GFRA1: variants seen among roughly 807,000 people sequenced by gnomAD.
The protein encoded by GFRA1 is GDNF family receptor alpha-1.
In GFRA1, 16 loss-of-function variants were observed where a neutral mutation model predicts 51.6. The observed-to-expected ratio is 0.31, with a 90% CI of 0.21 to 0.47. The LOEUF is 0.47. Ranked by LOEUF, GFRA1 falls within the 20% of genes least tolerant of loss-of-function variation. GFRA1 has a pLI of 1.00. For missense variants in GFRA1, 530 were observed against 594.3 expected (o/e 0.89, Z 1.13); for synonymous variants, 270 against 241.3 (o/e 1.12, Z -1.10).
At chr10:116,093,673 C>A in intron 8 of GFRA1, 29 bp downstream of exon 8, 1 of 1,607,632 alleles carries the variant, frequency 6.2e-7, no homozygotes, top group South Asian at 1.1e-5. Flanking sequence ...TGCGTTTGCT[C>A]CTTTGTTTCT....
rs1173342700 is a variant in GFRA1, at chr10:116,272,284, G to C, written c.-246-9C>G. The C allele has an allele frequency of 5.2e-6, 3 of 578,572 alleles. No individual in the cohort carries two copies. The highest frequency in any genetic ancestry group is 9.3e-6 in the Non-Finnish European group (3 of 323,300). The allele number at this position is 578,572 out of a possible 1,614,324, so 35.8% of individuals were successfully genotyped here. ...TTCAGGTCCGACCCAACCTGGAAGGGAGGGCGCGCTTTGAGATGAGAGCGG... is the reference window on the plus strand; with the variant it reads ...TTCAGGTCCGACCCAACCTGGAAGGCAGGGCGCGCTTTGAGATGAGAGCGG... On this transcript the variant is annotated splice_polypyrimidine_tract_variant and intron_variant, in intron 1 of 10. Coordinates refer to ENST00000355422, the MANE Select transcript of GFRA1 (RefSeq NM_005264.8). This position sits in a 1 kb window ranked among gnomAD's most constrained non-coding sequence, Gnocchi z 4.4.
At chr10:116,203,413 C>A (rs1964493000) in intron 5 of GFRA1, among the ~76,000 whole-genome samples, 1 of 152,160 alleles carries the variant, frequency 6.6e-6, no homozygotes, top group South Asian at 2.1e-4. Context: ...CAGAAAGAAT[C>A]AGAAAATAGG....
intron 6 of GFRA1, among the ~76,000 whole-genome samples, chr10:116,124,915 C>A (rs1957791004): frequency 1.3e-5 from 2 of 152,254 alleles, no homozygotes; most frequent in South Asian, 4.1e-4. Context: ...GGTCACCTCA[C>A]CCCAGGTGAC....
chr10:116,125,214 C>T lies in GFRA1; in HGVS notation c.770+7G>A. On this transcript the variant is annotated splice_region_variant and intron_variant, in intron 6 of 10. Transcript: ENST00000355422. ...TCATTAATCACCAGCTGCCAGTGCC[C>T]ACTTACCTGCAGATGTAATTCGTCT... The T allele has an allele frequency of 6.2e-7, 1 of 1,611,000 alleles. No individual in the cohort carries two copies. Among genetic ancestry groups the T allele is most frequent in the South Asian group, 1.1e-5 (1 of 91,010 alleles).
At chr10:116,229,608 G>A (rs1027435239) in intron 4 of GFRA1, among the ~76,000 whole-genome samples, 1 of 152,206 alleles carries the variant, frequency 6.6e-6, no homozygotes, top group Non-Finnish European at 1.5e-5. Context: ...GCTGCATGAT[G>A]TTCTATGAAG....
At chr10:116,096,487 T>C (rs1164025780) in intron 7 of GFRA1, among the ~76,000 whole-genome samples, 168 bp downstream of exon 7, 1 of 95,392 alleles carries the variant, frequency 1.0e-5, no homozygotes, top group Non-Finnish European at 2.9e-5. Flanking sequence ...TTCTTCTTTT[T>C]TTTTTCTTTT....
chr10:116,205,086 A>T (rs1964626024), intron 5 of GFRA1, among the ~76,000 whole-genome samples: 1 of 152,184 alleles, frequency 6.6e-6, no homozygotes, highest in Admixed American at 6.5e-5. Flanking sequence ...TAGAAAATGC[A>T]TTAAAAATCC....
intron 4 of GFRA1, among the ~76,000 whole-genome samples, chr10:116,239,467 G>A (rs1430984820): frequency 2.6e-5 from 4 of 152,178 alleles, no homozygotes; most frequent in South Asian, 2.1e-4. Flanking sequence ...TTGATCTCAC[G>A]CAGAGGCAGT....
At chr10:116,182,215 AAT>A (rs1962302161) in intron 5 of GFRA1, among the ~76,000 whole-genome samples, 1 of 152,164 alleles carries the variant, frequency 6.6e-6, no homozygotes, top group South Asian at 2.1e-4. Flanking sequence ...TGTACAGTGC[AAT>A]GATGATAGTG....
intron 5 of GFRA1, among the ~76,000 whole-genome samples, chr10:116,132,909 C>T (rs559289658): frequency 6.6e-6 from 1 of 152,270 alleles, no homozygotes; most frequent in African/African-American, 2.4e-5. Flanking sequence ...ACGGTCTGGG[C>T]ACAAGCGCCT....
At chr10:116,211,855 T>TA (rs1487089657) in intron 4 of GFRA1, among the ~76,000 whole-genome samples, 1 of 152,172 alleles carries the variant, frequency 6.6e-6, no homozygotes, top group Non-Finnish European at 1.5e-5. Context: ...GCCTCACACT[T>TA]ACTAACTCTG....
chr10:116,072,019 G>C (rs1190959084), intron 9 of GFRA1, among the ~76,000 whole-genome samples: 1 of 151,188 alleles, frequency 6.6e-6, no homozygotes. Flanking sequence ...TCCTGTGTTT[G>C]TATAATTGCA....
At chr10:116,186,662 G>A (rs1426866397) in intron 5 of GFRA1, among the ~76,000 whole-genome samples, 1 of 151,772 alleles carries the variant, frequency 6.6e-6, no homozygotes, top group Non-Finnish European at 1.5e-5. Flanking sequence ...GGGGGCGGCG[G>A]GAGGTGCTGA....
At chr10:116,179,298 C>T (rs576747419) in intron 5 of GFRA1, among the ~76,000 whole-genome samples, 15 of 152,254 alleles carry the variant, frequency 9.9e-5, no homozygotes, top group African/African-American at 3.6e-4. Context: ...TTTTCATCAC[C>T]ATTGTCAGGG....
chr10:116,221,520 G>T (rs1965923505), intron 4 of GFRA1, among the ~76,000 whole-genome samples: 1 of 152,110 alleles, frequency 6.6e-6, no homozygotes, highest in African/African-American at 2.4e-5. Context: ...TCTCTCCCAG[G>T]TTCAAGCAAT....
At chr10:116,199,640 A>G (rs1421781539) in intron 5 of GFRA1, among the ~76,000 whole-genome samples, 6 of 152,234 alleles carry the variant, frequency 3.9e-5, no homozygotes, top group Non-Finnish European at 7.3e-5. Flanking sequence ...TTCAAAATAA[A>G]TGGCAGATAC....
At chr10:116,161,198 G>A (rs1424054108) in intron 5 of GFRA1, among the ~76,000 whole-genome samples, 1 of 152,184 alleles carries the variant, frequency 6.6e-6, no homozygotes, top group African/African-American at 2.4e-5. Flanking sequence ...CACAGTCTGG[G>A]AAACAGATGC....
At chr10:116,186,655 G>T (rs1363276034) in intron 5 of GFRA1, among the ~76,000 whole-genome samples, 4 of 151,904 alleles carry the variant, frequency 2.6e-5, no homozygotes, top group Non-Finnish European at 4.4e-5. Context: ...ACACATGGGG[G>T]GCGGCGGGAG....
chr10:116,158,180 T>C (rs997091982), intron 5 of GFRA1, among the ~76,000 whole-genome samples: 19 of 152,188 alleles, frequency 1.2e-4, no homozygotes, highest in African/African-American at 4.3e-4. Context: ...AAAGAGTAAA[T>C]GGCCATGTGG....
Sources: allele counts gnomAD v4.1 joint callset (sites outside exome capture counted in the v4.1 genomes callset), GRCh38; gene constraint gnomAD v4.1.1; non-coding constraint Gnocchi (gnomAD v3.1); transcripts MANE v1.5; gene names NCBI Gene and HGNC (gene_info 2026-07-23, HGNC 2026-07-21).